Variants in MYO5B observed in about 807,000 individuals in gnomAD.
The protein encoded by MYO5B is myosin VB.
MYO5B carries 143 observed loss-of-function variants against 229.3 expected under a neutral mutation model. The observed-to-expected ratio is 0.62, with a 90% confidence interval of 0.54 to 0.72. MYO5B has a LOEUF of 0.72. MYO5B is among the 30% of genes least tolerant of loss of function. The pLI, the probability that MYO5B is intolerant of heterozygous loss-of-function variation, is 0.00. For missense variants in MYO5B, 2,321 were observed against 2,331.0 expected, an observed-to-expected ratio of 1.00 and a Z score of 0.09; for synonymous variants, 918 against 885.2, an observed-to-expected ratio of 1.04 and a Z score of -0.66.
intron 1 of MYO5B, among the ~76,000 whole-genome samples, chr18:50,151,509 G>A (rs370373656): frequency 4.6e-5 from 7 of 152,272 alleles, no homozygotes; most frequent in East Asian, 1.9e-4. Flanking sequence ...GGGCTTTTAT[G>A]TCAGAAAAAT....
intron 1 of MYO5B, among the ~76,000 whole-genome samples, chr18:50,183,460 T>A (rs1036361340): frequency 2.0e-5 from 3 of 151,046 alleles, no homozygotes; most frequent in African/African-American, 7.4e-5. Flanking sequence ...AACAAGAAGA[T>A]GAGGAAAGGC....
chr18:50,068,249 T>C (rs1045836150), intron 1 of MYO5B, among the ~76,000 whole-genome samples: 1 of 152,248 alleles, frequency 6.6e-6, no homozygotes, highest in Admixed American at 6.5e-5. Context: ...CACATCCCTA[T>C]TTTAACAAGT....
At chr18:50,152,040 A>T (rs1241062803) in intron 1 of MYO5B, among the ~76,000 whole-genome samples, 1 of 152,184 alleles carries the variant, frequency 6.6e-6, no homozygotes, top group Non-Finnish European at 1.5e-5. Flanking sequence ...AGATGACGGA[A>T]ATGAATTACG....
chr18:50,106,110 C>T (rs2031755306), intron 1 of MYO5B, among the ~76,000 whole-genome samples: 1 of 152,104 alleles, frequency 6.6e-6, no homozygotes, highest in Non-Finnish European at 1.5e-5. Flanking sequence ...CTCTTACTTG[C>T]CCAAAAATGC....
At chr18:49,898,498 T>A (rs1192583341) in intron 21 of MYO5B, among the ~76,000 whole-genome samples, 1 of 152,228 alleles carries the variant, frequency 6.6e-6, no homozygotes, top group African/African-American at 2.4e-5. Flanking sequence ...GTTCACGGAC[T>A]ACATCGTTTT....
chr18:49,974,546 G>A lies in MYO5B; in HGVS notation c.1126C>T (p.Leu376=). 6.2e-7 allele frequency: 1 copy of A among 1,614,156 alleles called. No homozygotes were observed. The highest frequency in any genetic ancestry group is 8.5e-7 in the Non-Finnish European group (1 of 1,180,026). ...GTGGTGACCAGCTTGCGATGACACA[G>A]CCAGTGCTCCATCTGACTGTGCTCC... ...GVEHSQMEHW[L]CHRKLVTTSE... Residue 376 remains leucine (L), a synonymous_variant, in exon 10 of 40, where the codon CTG becomes TTG. Coordinates refer to ENST00000285039, the MANE Select transcript of MYO5B (RefSeq NM_001080467.3).
chr18:49,863,515 C>T (rs1598840933), intron 28 of MYO5B, among the ~76,000 whole-genome samples, 188 bp from the exon 29 acceptor site: 1 of 152,320 alleles, frequency 6.6e-6, no homozygotes, highest in East Asian at 1.9e-4. Context: ...CACAGAACAA[C>T]GAGGCCAGGC....
At chr18:49,930,148 G>C (rs977290307) in intron 16 of MYO5B, among the ~76,000 whole-genome samples, 14 of 152,126 alleles carry the variant, frequency 9.2e-5, no homozygotes. Flanking sequence ...CCATATAATG[G>C]GGGAAAACAG....
At position 49,943,984 on chromosome 18, in the gene MYO5B, C is replaced by T. The variant is rs138771831; in HGVS notation, c.1753-6587G>A. Among the ~76,000 whole-genome samples the T allele has an allele frequency of 1.0e-3, 153 of 152,070 alleles. 1 individual carries two copies. The highest frequency in any genetic ancestry group is 2.9e-4 in the Non-Finnish European group (20 of 67,994). ...CACCTATGAAGGAGCTCTGTGCATT[C>T]GGGGGGCTAAGATAAAGCTGGTCAA... On this transcript the variant is annotated intron_variant, in intron 14 of 39. Coordinates refer to ENST00000285039, the MANE Select transcript of MYO5B (RefSeq NM_001080467.3).
At chr18:49,917,260 T>C (rs1394276252) in intron 17 of MYO5B, among the ~76,000 whole-genome samples, 1 of 152,210 alleles carries the variant, frequency 6.6e-6, no homozygotes. Context: ...TATACTCAGT[T>C]GCCAATTACA....
At chr18:50,080,409 C>A (rs1463840564) in intron 1 of MYO5B, among the ~76,000 whole-genome samples, 5 of 152,166 alleles carry the variant, frequency 3.3e-5, no homozygotes, top group Non-Finnish European at 7.3e-5. Flanking sequence ...AGCCTCTCCT[C>A]ACTCTACGCC....
chr18:50,060,246 TC>T (rs1415440618), intron 1 of MYO5B, among the ~76,000 whole-genome samples: 1 of 152,198 alleles, frequency 6.6e-6, no homozygotes, highest in Non-Finnish European at 1.5e-5. Context: ...GTACATGCTC[TC>T]TCCTGGCATC....
Position 49,824,835 on chromosome 18 carries a change from T to G in MYO5B, c.*1636A>C, listed in dbSNP as rs1163681283. 6.6e-6 allele frequency: 1 copy of G among 152,136 alleles called. No individual in the cohort carries two copies. The highest frequency in any genetic ancestry group is 1.5e-5 in the Non-Finnish European group (1 of 68,030). The allele number at this position is 152,136 out of a possible 1,614,324, so 9.4% of individuals were successfully genotyped here. A position where few individuals can be genotyped will look rare whatever the true frequency, so the allele number is the denominator to read the frequency against. Reference sequence around the variant, plus strand: ...GAGAAGCCGGCATGTTTAATGTGGATGTAGAGGGGATAATGCCCATGACAA... The same window carrying G: ...GAGAAGCCGGCATGTTTAATGTGGAGGTAGAGGGGATAATGCCCATGACAA... On this transcript the variant is annotated 3_prime_UTR_variant, in exon 40 of 40. Coordinates refer to ENST00000285039, the MANE Select transcript of MYO5B (RefSeq NM_001080467.3).
chr18:50,109,427 T>TTTTTC (rs112036831), intron 1 of MYO5B, among the ~76,000 whole-genome samples: 31 of 132,762 alleles, frequency 2.3e-4, no homozygotes, highest in East Asian at 1.4e-3. Context: ...ATGATTTTTC[T>TTTTTC]TTTTTTTTTT....
intron 1 of MYO5B, among the ~76,000 whole-genome samples, chr18:50,158,347 G>A (rs1015730201): frequency 3.9e-5 from 6 of 152,020 alleles, no homozygotes; most frequent in African/African-American, 7.3e-5. Context: ...CCTAACCAAC[G>A]CCACTCTTTC....
At chr18:50,192,273 C>G (rs923994252) in intron 1 of MYO5B, among the ~76,000 whole-genome samples, 2 of 152,164 alleles carry the variant, frequency 1.3e-5, no homozygotes, top group Non-Finnish European at 2.9e-5. Context: ...GCAGAGCTTT[C>G]GATGGAAATT....
At chr18:50,080,065 C>G (rs2031182115) in intron 1 of MYO5B, among the ~76,000 whole-genome samples, 1 of 152,158 alleles carries the variant, frequency 6.6e-6, no homozygotes, top group African/African-American at 2.4e-5. Flanking sequence ...GCCCTGAATA[C>G]AATCACATTA....
At chr18:50,038,265 A>G (rs1001227411) in intron 3 of MYO5B, among the ~76,000 whole-genome samples, 4 of 152,210 alleles carry the variant, frequency 2.6e-5, no homozygotes, top group Non-Finnish European at 5.9e-5. Context: ...GGGAAGGAGA[A>G]GGCAATGAAA....
intron 14 of MYO5B, among the ~76,000 whole-genome samples, chr18:49,947,828 G>A (rs183908241): frequency 8.8e-4 from 134 of 152,026 alleles, no homozygotes; most frequent in Middle Eastern, 3.4e-3. Flanking sequence ...AAAAGCCTGG[G>A]GCAAATCAAA....
Sources: gnomAD v4.1 joint callset for allele counts (sites outside exome capture counted in the v4.1 genomes callset) on GRCh38, gnomAD v4.1.1 for gene constraint, MANE v1.5 for transcripts, NCBI Gene and HGNC (gene_info 2026-07-23, HGNC 2026-07-21) for gene names.